Variants in RIMS2 observed in about 807,000 individuals in gnomAD.
RIMS2 encodes the protein regulating synaptic membrane exocytosis protein 2.
RIMS2 carries 59 observed loss-of-function variants against 174.4 expected under a neutral mutation model. The ratio of observed to expected loss-of-function variants is 0.34; its 90% confidence interval spans 0.27 to 0.42. The LOEUF is 0.42. RIMS2 is among the 10% of genes least tolerant of loss of function. The probability of loss-of-function intolerance (pLI) is 1.00; values close to 1 mark genes in which losing one functional copy is unlikely to be tolerated. For missense variants in RIMS2, 1,620 were observed against 1,666.3 expected (o/e 0.97, Z 0.48); for synonymous variants, 606 against 572.5 (o/e 1.06, Z -0.84).
At chr8:103,812,883 G>T (rs1056488651) in intron 3 of RIMS2, among the ~76,000 whole-genome samples, 3 of 152,152 alleles carry the variant, frequency 2.0e-5, no homozygotes, top group Non-Finnish European at 2.9e-5. Context: ...TTGTTCTCTG[G>T]ACTGTCTTTC....
At chr8:103,828,129 T>C (rs1251294801) in intron 3 of RIMS2, among the ~76,000 whole-genome samples, 1 of 152,194 alleles carries the variant, frequency 6.6e-6, no homozygotes. Flanking sequence ...TTTGCATCTA[T>C]GTTCATGAGA....
chr8:104,215,727 A>G (rs2099126910), intron 19 of RIMS2, among the ~76,000 whole-genome samples: 1 of 152,218 alleles, frequency 6.6e-6, no homozygotes, highest in Non-Finnish European at 1.5e-5. Context: ...TGAATTTATC[A>G]CAAAGCTGGA....
intron 19 of RIMS2, among the ~76,000 whole-genome samples, chr8:104,190,450 G>A (rs1195117189): frequency 3.3e-5 from 5 of 152,094 alleles, no homozygotes; most frequent in Non-Finnish European, 2.9e-5. Context: ...CTAGTTCTAC[G>A]CTTTGGACTC....
At chr8:104,249,583 T>C in exon 22 of RIMS2, 1 of 1,568,516 alleles carries the variant, frequency 6.4e-7, no homozygotes, top group South Asian at 1.1e-5. Flanking sequence ...TCCAAGACAC[T>C]GCCAGGTAAA....
chr8:103,512,356 G>T (rs142484524), intron 1 of RIMS2, among the ~76,000 whole-genome samples: 1 of 152,250 alleles, frequency 6.6e-6, no homozygotes, highest in East Asian at 1.9e-4. Context: ...ATTTATAGTA[G>T]GCTATGTTAT....
intron 19 of RIMS2, chr8:104,148,656 A>G (rs777608306): frequency 4.4e-6 from 7 of 1,598,344 alleles, no homozygotes; most frequent in Non-Finnish European, 5.9e-6. Context: ...ATCAGGGAAG[A>G]ACATGACAAA....
chr8:103,833,037 A>G (rs2098835605), intron 3 of RIMS2, among the ~76,000 whole-genome samples: 1 of 152,206 alleles, frequency 6.6e-6, no homozygotes, highest in Admixed American at 6.5e-5. Context: ...CTTGAAATGC[A>G]GATATTCACA....
At chr8:103,570,556 C>T (rs751486676) in intron 1 of RIMS2, among the ~76,000 whole-genome samples, 20 of 152,060 alleles carry the variant, frequency 1.3e-4, no homozygotes, top group African/African-American at 4.6e-4. Flanking sequence ...TGGAAAAGGT[C>T]GATAATGCTC....
chr8:104,186,215 A>C (rs2098967272), intron 19 of RIMS2, among the ~76,000 whole-genome samples: 2 of 151,726 alleles, frequency 1.3e-5, no homozygotes, highest in Non-Finnish European at 3.0e-5. Flanking sequence ...GTGTGGAATT[A>C]CAGATAATGG....
intron 19 of RIMS2, among the ~76,000 whole-genome samples, chr8:104,156,349 T>G (rs1472060321): frequency 6.6e-6 from 1 of 152,174 alleles, no homozygotes; most frequent in African/African-American, 2.4e-5. Context: ...TCTGCTTCTA[T>G]TCCATTGGCT....
chr8:103,652,748 T>A, intron 1 of RIMS2, 38 bp downstream of exon 3: 2 of 1,133,662 alleles, frequency 1.8e-6, no homozygotes, highest in Non-Finnish European at 2.4e-6. Flanking sequence ...ATATTATCTC[T>A]GATAGTATAA....
chr8:103,925,008 T>C (rs1163569882), intron 10 of RIMS2, among the ~76,000 whole-genome samples: 1 of 151,654 alleles, frequency 6.6e-6, no homozygotes, highest in African/African-American at 2.4e-5. Context: ...ATTTTTAATA[T>C]GTGTTCTTCC....
At chr8:103,537,117 C>G (rs1240980896) in intron 1 of RIMS2, among the ~76,000 whole-genome samples, 1 of 152,174 alleles carries the variant, frequency 6.6e-6, no homozygotes, top group Non-Finnish European at 1.5e-5. Flanking sequence ...CCCATAAAAT[C>G]ATAATACTTA....
chr8:103,718,604 T>C (rs2097403124), intron 2 of RIMS2, among the ~76,000 whole-genome samples: 1 of 152,158 alleles, frequency 6.6e-6, no homozygotes, highest in Non-Finnish European at 1.5e-5. Context: ...ACATATGGAA[T>C]GTTGAGTAGC....
chr8:104,222,405 A>G (rs1489469644), intron 19 of RIMS2, among the ~76,000 whole-genome samples: 3 of 152,230 alleles, frequency 2.0e-5, no homozygotes, highest in African/African-American at 7.2e-5. Flanking sequence ...TTTATTGAAT[A>G]AATGAACCAT....
chr8:103,696,902 G>A (rs2097110253), intron 1 of RIMS2, among the ~76,000 whole-genome samples, 184 bp from the exon 4 acceptor site: 1 of 147,086 alleles, frequency 6.8e-6, no homozygotes, highest in Non-Finnish European at 1.5e-5. Flanking sequence ...AGAACTAGTT[G>A]CAATACTTTT....
intron 2 of RIMS2, among the ~76,000 whole-genome samples, chr8:103,719,114 TA>T (rs11335589): frequency 0.18 from 26,769 of 151,384 alleles, 2,562 homozygotes; most frequent in African/African-American, 0.24. Context: ...GGTCATAAGT[TA>T]AAAAAAAATG....
chr8:104,042,533 G>C (rs557765000), intron 19 of RIMS2, among the ~76,000 whole-genome samples: 3 of 151,648 alleles, frequency 2.0e-5, no homozygotes, highest in Admixed American at 6.6e-5. Context: ...GTCAATACAT[G>C]AGAAGTTATA....
At chr8:103,909,599 C>T (rs1468579989) in intron 4 of RIMS2, among the ~76,000 whole-genome samples, 1 of 152,014 alleles carries the variant, frequency 6.6e-6, no homozygotes, top group Non-Finnish European at 1.5e-5. Flanking sequence ...TTTAACGACA[C>T]AAATTTCTTA....
Sources: gnomAD v4.1 joint callset for allele counts (sites outside exome capture counted in the v4.1 genomes callset) on GRCh38, gnomAD v4.1.1 for gene constraint, MANE v1.5 for transcripts, NCBI Gene and HGNC (gene_info 2026-07-23, HGNC 2026-07-21) for gene names.